ACACA: variants seen among roughly 807,000 people sequenced by gnomAD.
ACACA encodes acetyl-CoA carboxylase alpha, also known as acetyl-CoA carboxylase 1.
In ACACA, 103 loss-of-function variants were observed where a neutral mutation model predicts 296.1. That is an observed-to-expected ratio of 0.35 (90% CI 0.30 to 0.41). The LOEUF (loss-of-function observed/expected upper bound fraction) is 0.41, where lower values mean the gene tolerates loss of function less well. Ranked by LOEUF, ACACA falls within the 10% of genes least tolerant of loss-of-function variation. The pLI, the probability that ACACA is intolerant of heterozygous loss-of-function variation, is 1.00. For synonymous variants in ACACA, 953 were observed against 1,038.6 expected (o/e 0.92, Z 1.58); for missense variants, 1,554 against 2,989.7 (o/e 0.52, Z 11.20).
intron 3 of ACACA, among the ~76,000 whole-genome samples, chr17:37,311,772 T>TGAG (rs1396778588): frequency 6.6e-6 from 1 of 150,974 alleles, no homozygotes; most frequent in Non-Finnish European, 1.5e-5. Flanking sequence ...CTCGGGAGGC[T>TGAG]GAGGCAGGAG....
chr17:37,218,475 A>T (rs527532001), intron 29 of ACACA, among the ~76,000 whole-genome samples: 25 of 152,350 alleles, frequency 1.6e-4, no homozygotes, highest in African/African-American at 6.0e-4. Context: ...TTTAAATAGC[A>T]TGTAGCTTGT....
chr17:37,240,844 A>C (rs1053988078), intron 23 of ACACA, among the ~76,000 whole-genome samples: 3 of 152,144 alleles, frequency 2.0e-5, no homozygotes, highest in African/African-American at 7.2e-5. Context: ...AATTATTACC[A>C]TACTCTTGAA....
At chr17:37,290,985 G>A (rs944680559) in intron 3 of ACACA, among the ~76,000 whole-genome samples, 16 of 151,152 alleles carry the variant, frequency 1.1e-4, no homozygotes, top group Non-Finnish European at 2.1e-4. Flanking sequence ...GGGAAGCTGA[G>A]GCAGGAGAAT....
At chr17:37,203,286 G>A (rs1365374525) in intron 33 of ACACA, among the ~76,000 whole-genome samples, 2 of 152,022 alleles carry the variant, frequency 1.3e-5, no homozygotes, top group African/African-American at 2.4e-5. Flanking sequence ...ATCAACATGC[G>A]TTGATAAGTA....
At chr17:37,169,480 C>T (rs2076805105) in intron 41 of ACACA, among the ~76,000 whole-genome samples, 1 of 152,144 alleles carries the variant, frequency 6.6e-6, no homozygotes, top group Non-Finnish European at 1.5e-5. Flanking sequence ...AAATATTCTA[C>T]CTAAGAATAG....
intron 41 of ACACA, among the ~76,000 whole-genome samples, chr17:37,169,248 G>C (rs181817765): frequency 1.3e-5 from 2 of 152,320 alleles, no homozygotes; most frequent in African/African-American, 4.8e-5. Flanking sequence ...CTCTCCTCCA[G>C]TGTAGAAGCA....
intron 1 of ACACA, chr17:37,388,915 A>T: frequency 7.7e-7 from 1 of 1,298,554 alleles, no homozygotes; most frequent in East Asian, 2.5e-5. Flanking sequence ...TGTGCCACTC[A>T]CACTCACTAG....
In ACACA at chr17:37,087,049, C is replaced by T. The variant is rs79037131; in HGVS notation, c.*267G>A. 0.014 allele frequency: 7,998 copies of T among 560,186 alleles called. 83 individuals are homozygous for T. The highest frequency in any genetic ancestry group is 0.03 in the Middle Eastern group (62 of 2,052). 34.7% of individuals were successfully genotyped at this position (560,186 alleles called of 1,614,324 possible). On this transcript the variant is annotated 3_prime_UTR_variant, in exon 56 of 56. Coordinates refer to ENST00000616317, the MANE Select transcript of ACACA (RefSeq NM_198834.3). ...GGTACATGTTTGTACCTTTCATTGC[C>T]TTCTCAGTCCTGTGCAGGGAGTGGA... is the stretch of plus-strand genomic sequence containing the variant.
chr17:37,265,720 G>A (rs1027071210), intron 10 of ACACA, among the ~76,000 whole-genome samples: 1 of 152,070 alleles, frequency 6.6e-6, no homozygotes. Context: ...ATTTTGTTTT[G>A]TTTTGTTTTG....
At position 37,241,208 on chromosome 17, in the gene ACACA, T is replaced by A. The variant is rs990179647; in HGVS notation, c.3033-644A>T. On this transcript the variant is annotated intron_variant, in intron 23 of 55. Transcript: ENST00000616317. ...AGACCCTGTCTCCAAAAAAAATAAA[T>A]AAATAAATAAATAAATAAATATGCT... Among the ~76,000 whole-genome samples, 347 of 151,396 alleles carry A rather than the reference T, an allele frequency of 2.3e-3. 1 individual carries two copies. Among genetic ancestry groups the A allele is most frequent in the African/African-American group, 7.5e-3 (311 of 41,222 alleles).
At chr17:37,181,900 CAAAAAAAAAAA>C (rs61045031) in intron 39 of ACACA, among the ~76,000 whole-genome samples, 98 of 22,238 alleles carry the variant, frequency 4.4e-3, no homozygotes, top group South Asian at 0.034. Flanking sequence ...ACTCTGTATC[CAAAAAAAAAAA>C]AAAAAAAAAA....
chr17:37,299,678 C>A, intron 3 of ACACA: 1 of 1,055,154 alleles, frequency 9.5e-7, no homozygotes, highest in Non-Finnish European at 1.1e-6. Context: ...ATCTTAGCAG[C>A]TCTCCTTTAG....
intron 3 of ACACA, among the ~76,000 whole-genome samples, chr17:37,292,406 G>A (rs1828526910): frequency 6.6e-6 from 1 of 152,248 alleles, no homozygotes; most frequent in Non-Finnish European, 1.5e-5. Context: ...ACAGGGCAAA[G>A]TATATAAAGT....
chr17:37,268,723 ATCTATCTATC>A (rs2081912643), intron 10 of ACACA, among the ~76,000 whole-genome samples: 1 of 108,062 alleles, frequency 9.3e-6, no homozygotes, highest in African/African-American at 4.3e-5. Context: ...ATATCTATCT[ATCTATCTATC>A]TATCTATCTA....
intron 1 of ACACA, among the ~76,000 whole-genome samples, chr17:37,348,153 A>C (rs2048718098): frequency 1.4e-5 from 2 of 145,824 alleles, no homozygotes; most frequent in South Asian, 4.3e-4. Flanking sequence ...TCTGTCTCTC[A>C]AAAAAAAAAA....
At chr17:37,318,415 A>G (rs1040364334) in intron 3 of ACACA, among the ~76,000 whole-genome samples, 2 of 152,072 alleles carry the variant, frequency 1.3e-5, no homozygotes, top group African/African-American at 4.8e-5. Flanking sequence ...TAATGTTTGT[A>G]TTTTTAGTAG....
chr17:37,238,551 G>T (rs1269167902), intron 24 of ACACA, among the ~76,000 whole-genome samples: 2 of 152,022 alleles, frequency 1.3e-5, no homozygotes, highest in Non-Finnish European at 2.9e-5. Flanking sequence ...TTCTTTGGAA[G>T]TATCTTGGTT....
chr17:37,226,553 G>T, intron 25 of ACACA, 101 bp from the exon 26 acceptor site: 1 of 1,027,362 alleles, frequency 9.7e-7, no homozygotes, highest in Non-Finnish European at 1.5e-6. Flanking sequence ...AGTAAACCCA[G>T]CTGGATTAAT....
At chr17:37,351,822 G>A (rs570130479) in intron 1 of ACACA, among the ~76,000 whole-genome samples, 11 of 152,102 alleles carry the variant, frequency 7.2e-5, no homozygotes, top group Non-Finnish European at 1.3e-4. Flanking sequence ...CAAAGTGCTA[G>A]GATTACAGAT....
Sources: gnomAD v4.1 joint callset for allele counts (sites outside exome capture counted in the v4.1 genomes callset) on GRCh38, gnomAD v4.1.1 for gene constraint, MANE v1.5 for transcripts, NCBI Gene and HGNC (gene_info 2026-07-23, HGNC 2026-07-21) for gene names.